The following MCTP1 variants were observed in gnomAD, a reference collection of about 807,000 sequenced individuals.
MCTP1 encodes multiple C2 and transmembrane domain-containing protein 1.
MCTP1 carries 69 observed loss-of-function variants against 120.6 expected under a neutral mutation model. That is an observed-to-expected ratio of 0.57 (90% CI 0.47 to 0.70). The LOEUF (loss-of-function observed/expected upper bound fraction) is 0.70, where lower values mean the gene tolerates loss of function less well. Among genes scored for constraint, MCTP1 ranks in the 30% least tolerant of loss-of-function variants. The probability of loss-of-function intolerance (pLI) is 0.00; values close to 1 mark genes in which losing one functional copy is unlikely to be tolerated. For missense variants in MCTP1, 1,203 were observed against 1,248.8 expected (o/e 0.96, Z 0.55); for synonymous variants, 529 against 493.1 (o/e 1.07, Z -0.96).
intron 10 of MCTP1, among the ~76,000 whole-genome samples, chr5:94,895,948 C>T (rs1277741776): frequency 1.3e-5 from 2 of 152,094 alleles, no homozygotes; most frequent in Non-Finnish European, 2.9e-5. Context: ...GCAGAAAGTC[C>T]GTGTGTACTT....
At chr5:94,730,846 A>C (rs1423856313) in intron 19 of MCTP1, among the ~76,000 whole-genome samples, 2 of 152,124 alleles carry the variant, frequency 1.3e-5, no homozygotes, top group Non-Finnish European at 1.5e-5. Context: ...GAACCTCTAT[A>C]ATAAAATAAA....
chr5:95,006,993 C>CTAG (rs1221842157), intron 2 of MCTP1, among the ~76,000 whole-genome samples: 6 of 152,084 alleles, frequency 3.9e-5, no homozygotes, highest in Non-Finnish European at 7.4e-5. Flanking sequence ...ACACCCAAGA[C>CTAG]TAGGTAATTT....
chr5:95,023,476 C>G (rs182226389), intron 1 of MCTP1, among the ~76,000 whole-genome samples: 1 of 152,194 alleles, frequency 6.6e-6, no homozygotes, highest in Non-Finnish European at 1.5e-5. Flanking sequence ...GTGAGTCACA[C>G]AGAAGTTTGA....
At chr5:94,963,592 C>A (rs990628697) in intron 2 of MCTP1, among the ~76,000 whole-genome samples, 2 of 151,606 alleles carry the variant, frequency 1.3e-5, no homozygotes, top group East Asian at 3.9e-4. Context: ...TGCTTCCTGG[C>A]TATTTGTATG....
chr5:95,235,541 C>T (rs2152664031), intron 1 of MCTP1, among the ~76,000 whole-genome samples: 1 of 151,814 alleles, frequency 6.6e-6, no homozygotes, highest in East Asian at 1.9e-4. Context: ...TCTTTCCTTA[C>T]TATGCTGGCT....
intron 1 of MCTP1, among the ~76,000 whole-genome samples, chr5:95,219,817 C>T (rs1014152549): frequency 6.6e-6 from 1 of 152,176 alleles, no homozygotes; most frequent in African/African-American, 2.4e-5. Flanking sequence ...TTTGACTCCC[C>T]ACTATTAAGC....
intron 19 of MCTP1, among the ~76,000 whole-genome samples, chr5:94,745,461 G>T (rs962837810): frequency 6.6e-6 from 1 of 152,142 alleles, no homozygotes; most frequent in Non-Finnish European, 1.5e-5. Flanking sequence ...TTTTCACTTT[G>T]TCTCTTTTTG....
intron 18 of MCTP1, among the ~76,000 whole-genome samples, chr5:94,791,481 G>T (rs1778949470): frequency 3.1e-5 from 4 of 128,194 alleles, no homozygotes; most frequent in Admixed American, 2.4e-4. Context: ...GGTGACAGAG[G>T]GAGACCCTGT....
intron 19 of MCTP1, among the ~76,000 whole-genome samples, chr5:94,728,519 G>A (rs369393325): frequency 6.6e-6 from 1 of 152,210 alleles, no homozygotes; most frequent in East Asian, 1.9e-4. Flanking sequence ...GCCGAGGGAT[G>A]TTGTAGGCTT....
chr5:95,003,260 AT>A (rs1338151863), intron 2 of MCTP1, among the ~76,000 whole-genome samples: 8 of 152,228 alleles, frequency 5.3e-5, no homozygotes, highest in African/African-American at 1.9e-4. Context: ...TTTATATCAT[AT>A]TTCTACTGTA....
chr5:95,184,939 A>G (rs1749031681), intron 1 of MCTP1, among the ~76,000 whole-genome samples: 1 of 152,124 alleles, frequency 6.6e-6, no homozygotes, highest in South Asian at 2.1e-4. Context: ...CCCACTTCCC[A>G]AGGCCCTATC....
chr5:94,774,613 C>T (rs182101409), intron 19 of MCTP1, among the ~76,000 whole-genome samples: 116 of 152,156 alleles, frequency 7.6e-4, no homozygotes, highest in Middle Eastern at 3.4e-3. Flanking sequence ...AATGTGACAC[C>T]CTGAGCAGAG....
At chr5:94,956,798 G>T (rs1049735982) in intron 2 of MCTP1, among the ~76,000 whole-genome samples, 2 of 152,192 alleles carry the variant, frequency 1.3e-5, no homozygotes, top group Admixed American at 1.3e-4. Context: ...TTTGATTGGT[G>T]TACCTGAAAG....
chr5:94,950,632 C>G (rs891779230), intron 3 of MCTP1, among the ~76,000 whole-genome samples: 1 of 152,000 alleles, frequency 6.6e-6, no homozygotes, highest in African/African-American at 2.4e-5. Context: ...TATTCTTGCT[C>G]TCAAGTCAAG....
At chr5:95,077,613 C>T (rs761238170) in intron 1 of MCTP1, among the ~76,000 whole-genome samples, 16 of 152,062 alleles carry the variant, frequency 1.1e-4, no homozygotes, top group Non-Finnish European at 1.9e-4. Flanking sequence ...GCTGGGACTA[C>T]AGGCGCTCGC....
At chr5:95,059,228 C>G (rs1251484445) in intron 1 of MCTP1, among the ~76,000 whole-genome samples, 1 of 143,652 alleles carries the variant, frequency 7.0e-6, no homozygotes, top group Non-Finnish European at 1.6e-5. Flanking sequence ...TATATATACA[C>G]TATAAAACAG....
At chr5:95,048,791 CA>C (rs1425854150) in intron 1 of MCTP1, among the ~76,000 whole-genome samples, 5 of 152,076 alleles carry the variant, frequency 3.3e-5, no homozygotes, top group Non-Finnish European at 2.9e-5. Flanking sequence ...CATCATCAGT[CA>C]GGGGCAGGGG....
At chr5:94,992,982 T>C (rs901939880) in intron 2 of MCTP1, among the ~76,000 whole-genome samples, 2 of 152,242 alleles carry the variant, frequency 1.3e-5, no homozygotes, top group Non-Finnish European at 2.9e-5. Context: ...AACTTGATTA[T>C]GCTTTTGGGA....
At chr5:95,201,486 T>G in intron 1 of MCTP1, among the ~76,000 whole-genome samples, 1 of 16,438 alleles carries the variant, frequency 6.1e-5, no homozygotes. Context: ...TTTTTTTTTT[T>G]TTTTTTTTTT....
Sources: allele counts gnomAD v4.1 joint callset (sites outside exome capture counted in the v4.1 genomes callset), GRCh38; gene constraint gnomAD v4.1.1; transcripts MANE v1.5; gene names NCBI Gene and HGNC (gene_info 2026-07-23, HGNC 2026-07-21).